TRIO: variants seen among roughly 807,000 people sequenced by gnomAD.
TRIO encodes triple functional domain protein.
TRIO carries 58 observed loss-of-function variants against 351.9 expected under a neutral mutation model. That is an observed-to-expected ratio of 0.16 (90% CI 0.13 to 0.21). The LOEUF (loss-of-function observed/expected upper bound fraction) is 0.21, where lower values mean the gene tolerates loss of function less well. TRIO is among the 10% of genes least tolerant of loss of function. The probability of loss-of-function intolerance (pLI) is 1.00; values close to 1 mark genes in which losing one functional copy is unlikely to be tolerated. For synonymous variants in TRIO, 1,758 were observed against 1,595.7 expected (o/e 1.10, Z -2.42); for missense variants, 3,201 against 4,027.8 (o/e 0.79, Z 5.56).
chr5:14,381,994 T>C (rs557639249), intron 21 of TRIO, among the ~76,000 whole-genome samples: 3 of 152,314 alleles, frequency 2.0e-5, no homozygotes, highest in African/African-American at 7.2e-5. Context: ...TTTGAGGCTC[T>C]TTTCAAGTCA....
At chr5:14,240,173 T>A (rs1794042164) in intron 1 of TRIO, among the ~76,000 whole-genome samples, 1 of 152,258 alleles carries the variant, frequency 6.6e-6, no homozygotes, top group African/African-American at 2.4e-5. Flanking sequence ...GTTTGTGGAA[T>A]GAGGCTTGAG....
In TRIO at chr5:14,333,920, A is replaced by G. The variant is rs573112891; in HGVS notation, c.1855-2616A>G. ...TGAGATGCCTCGGGAACAGGATAGTAGGAGTTGGACAGGAGAAGCCCAGTC... is the reference window on the plus strand; with the variant it reads ...TGAGATGCCTCGGGAACAGGATAGTGGGAGTTGGACAGGAGAAGCCCAGTC... On this transcript the variant is annotated intron_variant, in intron 10 of 56. Coordinates refer to ENST00000344204, the MANE Select transcript of TRIO (RefSeq NM_007118.4). 1.6e-4 allele frequency among the ~76,000 whole-genome samples: 24 copies of G among 152,340 alleles called. No homozygotes were observed. The South Asian group carries it at 4.3e-3, about 28-fold the overall frequency.
intron 48 of TRIO, chr5:14,488,500 G>A (rs1279280716): frequency 1.7e-6 from 1 of 574,902 alleles, no homozygotes; most frequent in Non-Finnish European, 3.0e-6. Flanking sequence ...TCAACGCAGC[G>A]TCTTTTGGTT....
intron 8 of TRIO, among the ~76,000 whole-genome samples, chr5:14,315,197 G>C (rs1469357883): frequency 1.3e-5 from 2 of 151,566 alleles, no homozygotes; most frequent in African/African-American, 2.4e-5. Flanking sequence ...TTATTCTAAG[G>C]GTTTCTTCTA....
chr5:14,332,292 G>A (rs1581637136), intron 10 of TRIO, among the ~76,000 whole-genome samples: 1 of 152,138 alleles, frequency 6.6e-6, no homozygotes, highest in East Asian at 1.9e-4. Context: ...TGTCTTCCTG[G>A]ATAAAAGAGT....
At chr5:14,319,353 T>G (rs990781547) in intron 9 of TRIO, among the ~76,000 whole-genome samples, 1 of 152,140 alleles carries the variant, frequency 6.6e-6, no homozygotes, top group Non-Finnish European at 1.5e-5. Context: ...GTGAGGCTGG[T>G]AAGATTAATT....
chr5:14,370,997 G>A (rs984190054), intron 18 of TRIO, among the ~76,000 whole-genome samples: 4 of 152,140 alleles, frequency 2.6e-5, no homozygotes, highest in South Asian at 4.1e-4. Context: ...GTGTCAGTGC[G>A]CTGTGCATTG....
intron 1 of TRIO, among the ~76,000 whole-genome samples, chr5:14,178,605 T>C (rs114471565): frequency 2.0e-3 from 304 of 152,360 alleles, no homozygotes; most frequent in African/African-American, 7.0e-3. Flanking sequence ...AGACTGTGTC[T>C]GTCAAGCTAG....
intron 28 of TRIO, among the ~76,000 whole-genome samples, chr5:14,394,742 G>A (rs1218418760): frequency 2.0e-5 from 3 of 152,168 alleles, no homozygotes; most frequent in Admixed American, 6.5e-5. Flanking sequence ...AGTTGTGAGT[G>A]ACTATAGTTA....
intron 11 of TRIO, among the ~76,000 whole-genome samples, chr5:14,338,388 C>G (rs1289973733): frequency 6.6e-6 from 1 of 152,294 alleles, no homozygotes; most frequent in Non-Finnish European, 1.5e-5. Context: ...CACAGTATCC[C>G]CTGATCCAGA....
At chr5:14,328,568 A>G (rs1198291800) in intron 9 of TRIO, among the ~76,000 whole-genome samples, 1 of 152,264 alleles carries the variant, frequency 6.6e-6, no homozygotes, top group East Asian at 1.9e-4. Flanking sequence ...TACCGAATAC[A>G]TTAGTTAAAA....
At position 14,508,335 on chromosome 5, in the gene TRIO, C is replaced by T. The variant is rs1757859629; in HGVS notation, c.9207C>T (p.Phe3069=). Residue 3069 remains phenylalanine, a synonymous_variant, in exon 57 of 57, where the codon TTC becomes TTT. Transcript: ENST00000344204. ...GVLDTSRLTS[F]IERRKHQNDV... ...TCGACACGTCCAGACTGACTTCCTT[C>T]ATTGAGCGGCGCAAACACCAGAATG... The T allele has an allele frequency of 6.2e-7, 1 of 1,614,062 alleles. No homozygotes were observed. Among genetic ancestry groups the T allele is most frequent in the Admixed American group, 1.7e-5 (1 of 60,034 alleles).
At chr5:14,505,726 C>T (rs1468381550) in intron 55 of TRIO, among the ~76,000 whole-genome samples, 1 of 152,208 alleles carries the variant, frequency 6.6e-6, no homozygotes, top group Non-Finnish European at 1.5e-5. Context: ...CTCGGGCCGC[C>T]CATGTGCCAT....
At chr5:14,442,425 T>C (rs906310275) in intron 34 of TRIO, among the ~76,000 whole-genome samples, 5 of 152,112 alleles carry the variant, frequency 3.3e-5, no homozygotes, top group Non-Finnish European at 7.4e-5. Flanking sequence ...AAAATATGTA[T>C]TGGGCATCTG....
Position 14,471,172 on chromosome 5 carries a change from A to G in TRIO, c.5764-146A>G, listed in dbSNP as rs1454280386. On this transcript the variant is annotated intron_variant, in intron 37 of 56. Transcript: ENST00000344204. The stretch of plus-strand genomic sequence containing the variant: ...TAATAGTTGGGTTTTTTGTGTTATT[A>G]AATGCTATAATTTCACAAACAAAGA... The G allele has an allele frequency of 2.6e-6, 3 of 1,139,662 alleles. No homozygotes were observed. In the African/African-American group the frequency reaches 4.7e-5, roughly 18 times the overall value. The allele number at this position is 1,139,662 out of a possible 1,614,324, so 70.6% of individuals were successfully genotyped here. A position where few individuals can be genotyped will look rare whatever the true frequency, so the allele number is the denominator to read the frequency against.
rs59717445 is a variant in TRIO, at chr5:14,230,340, T to TTGTGTGTGTGTGTG, written c.158-40463_158-40450dup. 3.2e-3 allele frequency among the ~76,000 whole-genome samples: 475 copies of TTGTGTGTGTGTGTG among 149,120 alleles called. 5 individuals carry two copies. The highest frequency in any genetic ancestry group is 0.011 in the African/African-American group (450 of 39,890). On this transcript the variant is annotated intron_variant, in intron 1 of 56. Transcript: ENST00000344204. ...GAAATTGGAAAGTCAGGCAAGATGT[T>TTGTGTGTGTGTGTG]TGTGTGTGTGTGTGTGTGTGTGTGT...
chr5:14,147,629 C>G (rs1787594460), intron 1 of TRIO, among the ~76,000 whole-genome samples: 1 of 152,196 alleles, frequency 6.6e-6, no homozygotes, highest in Non-Finnish European at 1.5e-5. Context: ...CCTCCTGCAG[C>G]CCCTGTCTTT....
At position 14,486,167 on chromosome 5, in the gene TRIO, C is replaced by G. The variant is rs1372764622; in HGVS notation, c.6835+921C>G. ...TTTTAATTTGGTGATCAGCAAAGAA[C>G]TTTGAGAATTCAGTCCGAAGCTATG... On this transcript the variant is annotated intron_variant, in intron 47 of 56. Transcript: ENST00000344204. Among the ~76,000 whole-genome samples the G allele has an allele frequency of 3.3e-5, 5 of 152,200 alleles. No homozygotes were observed. The East Asian group carries it at 7.7e-4, about 23-fold the overall frequency.
chr5:14,398,862 C>T lies in TRIO; in HGVS notation c.4424-18C>T, dbSNP rs374838298. Reference sequence around the variant, plus strand: ...TTTTTCTTTTAAATTGATTTGCCTCCCTTTTTTCATGTTGTAGGGTTTGAT... The same window carrying T: ...TTTTTCTTTTAAATTGATTTGCCTCTCTTTTTTCATGTTGTAGGGTTTGAT... On this transcript the variant is annotated intron_variant, in intron 29 of 56. Transcript: ENST00000344204. 14 of 1,576,614 alleles carry T rather than the reference C, an allele frequency of 8.9e-6. No homozygotes were observed. Among genetic ancestry groups the T allele is most frequent in the Non-Finnish European group, 1.2e-5 (14 of 1,163,838 alleles).
Sources: gnomAD v4.1 joint callset for allele counts (sites outside exome capture counted in the v4.1 genomes callset) on GRCh38, gnomAD v4.1.1 for gene constraint, MANE v1.5 for transcripts, NCBI Gene and HGNC (gene_info 2026-07-23, HGNC 2026-07-21) for gene names.